OBI1: variants seen among roughly 807,000 people sequenced by gnomAD.
OBI1 encodes ring finger protein 219.
A neutral mutation model predicts 62.4 loss-of-function variants in OBI1; 59 were observed. The ratio of observed to expected loss-of-function variants is 0.95; its 90% confidence interval spans 0.77 to 1.17. The LOEUF is 1.17. Ranked by LOEUF, OBI1 falls within the 50% of genes most tolerant of loss-of-function variation. OBI1 has a pLI of 0.00. For missense variants in OBI1, 875 were observed against 830.9 expected (o/e 1.05, Z -0.65); for synonymous variants, 302 against 292.8 (o/e 1.03, Z -0.32).
At chr13:78,629,728 G>A (rs928106305) in intron 5 of OBI1, among the ~76,000 whole-genome samples, 2 of 152,106 alleles carry the variant, frequency 1.3e-5, no homozygotes, top group Non-Finnish European at 2.9e-5. Context: ...CTTTCTTGAT[G>A]TTTCTTACCA....
intron 2 of OBI1, among the ~76,000 whole-genome samples, chr13:78,642,970 T>C (rs1013280600): frequency 2.6e-5 from 4 of 152,220 alleles, no homozygotes; most frequent in African/African-American, 7.2e-5. Flanking sequence ...CTAGTTACAA[T>C]GGACTGTAAG....
chr13:78,637,249 C>T (rs1478451227), intron 4 of OBI1, among the ~76,000 whole-genome samples: 1 of 152,152 alleles, frequency 6.6e-6, no homozygotes, highest in African/African-American at 2.4e-5. Flanking sequence ...TATTACTCCA[C>T]ACTTTAGTTT....
intron 1 of OBI1, among the ~76,000 whole-genome samples, chr13:78,649,316 T>C (rs560001100): frequency 1.3e-5 from 2 of 152,174 alleles, no homozygotes; most frequent in Non-Finnish European, 2.9e-5. Flanking sequence ...TCCTGTGATG[T>C]AGGAAAGGAG....
intron 5 of OBI1, among the ~76,000 whole-genome samples, chr13:78,630,422 T>G (rs1875810498): frequency 6.6e-6 from 1 of 152,192 alleles, no homozygotes; most frequent in Non-Finnish European, 1.5e-5. Flanking sequence ...TATTCTATAG[T>G]TCATGTTTTA....
At position 78,659,061 on chromosome 13, in the gene OBI1, A is replaced by G. The variant is rs1378394863; in HGVS notation, c.60T>C (p.Ile20=). 6 of 1,612,880 alleles carry G rather than the reference A, an allele frequency of 3.7e-6. No homozygotes were observed. The highest frequency in any genetic ancestry group is 5.1e-6 in the Non-Finnish European group (6 of 1,179,602). The change falls in exon 1 of 6, where the codon ATT becomes ATC. Residue 20 remains isoleucine (I), a synonymous_variant. Transcript: ENST00000282003. The stretch of plus-strand genomic sequence containing the variant: ...AATCACCCATTACCTTCCCCAAGCA[A>G]ATGTGGCACGTGATGGGCAGAGTGA... ...LSLTLPITCH[I]CLGKVRQPVI...
chr13:78,658,468 CT>C (rs1876776648), intron 1 of OBI1, among the ~76,000 whole-genome samples: 1 of 152,204 alleles, frequency 6.6e-6, no homozygotes, highest in African/African-American at 2.4e-5. Flanking sequence ...AGCCACACCT[CT>C]TATTCTAATA....
chr13:78,642,431 T>C (rs1457596911), intron 2 of OBI1, among the ~76,000 whole-genome samples: 1 of 152,140 alleles, frequency 6.6e-6, no homozygotes, highest in African/African-American at 2.4e-5. Context: ...CAGTAACACA[T>C]CATATTGTAT....
chr13:78,652,113 C>A (rs1033142611), intron 1 of OBI1, among the ~76,000 whole-genome samples: 11 of 152,196 alleles, frequency 7.2e-5, no homozygotes, highest in Admixed American at 5.2e-4. Flanking sequence ...ATTATCACCA[C>A]CTTTGTGTTG....
intron 3 of OBI1, among the ~76,000 whole-genome samples, chr13:78,641,500 T>C (rs766608399): frequency 1.3e-5 from 2 of 152,186 alleles, no homozygotes; most frequent in Admixed American, 6.5e-5. Context: ...CTGGGCTTAA[T>C]GTGTACTATT....
intron 1 of OBI1, among the ~76,000 whole-genome samples, chr13:78,650,616 A>C (rs1360278163): frequency 6.6e-6 from 1 of 152,178 alleles, no homozygotes; most frequent in Non-Finnish European, 1.5e-5. Context: ...ACCTTGGGTA[A>C]GCCCTTTAGC....
At chr13:78,623,331 A>C (rs549694729) in intron 5 of OBI1, among the ~76,000 whole-genome samples, 25 of 152,136 alleles carry the variant, frequency 1.6e-4, no homozygotes, top group African/African-American at 5.8e-4. Context: ...TAAGTGTAAC[A>C]AATACATCTT....
At chr13:78,625,350 T>C (rs1875634763) in intron 5 of OBI1, among the ~76,000 whole-genome samples, 1 of 152,210 alleles carries the variant, frequency 6.6e-6, no homozygotes, top group African/African-American at 2.4e-5. Flanking sequence ...CTATACATTT[T>C]CCACCTTAAC....
In OBI1 at chr13:78,615,587, T is replaced by A; in HGVS notation, c.2174A>T (p.Lys725Ile). Residue 725 changes from lysine to isoleucine, a missense_variant, in exon 6 of 6, where the codon AAA becomes ATA. By Grantham distance (102) the Lys-to-Ile change is moderately radical. Transcript: ENST00000282003. ...TGACACCTTTCTAATGAGTCAACTT[T>A]TAGTTGCTTTTGATGGGCTGGCACT... ...LSSASPSKAT[K>I]S The A allele has an allele frequency of 6.3e-7, 1 of 1,593,158 alleles. No individual in the cohort carries two copies. The highest frequency in any genetic ancestry group is 1.8e-5 in the Admixed American group (1 of 55,246).
chr13:78,616,619 T>A lies in OBI1; in HGVS notation c.1142A>T (p.Glu381Val). The A allele has an allele frequency of 6.2e-7, 1 of 1,614,166 alleles. No homozygotes were observed. Among genetic ancestry groups the A allele is most frequent in the South Asian group, 1.1e-5 (1 of 91,078 alleles). Reference protein sequence around the residue: ...KPSDCVPYKDEELYDLPAPCT... With the variant: ...KPSDCVPYKDVELYDLPAPCT... ...AGGAGCTGGAAGATCATAAAGTTCT[T>A]CATCTTTGTAGGGTACACAGTCACT... Residue 381 changes from glutamate to valine, a missense_variant, in exon 6 of 6, where the codon GAA (glutamate) becomes GTA (valine). Coordinates refer to ENST00000282003, the MANE Select transcript of OBI1 (RefSeq NM_024546.4).
rs760250533 is a variant in OBI1, at chr13:78,615,854, G to C, written c.1907C>G (p.Thr636Ser). Residue 636 changes from threonine to serine, a missense_variant, in exon 6 of 6, where the codon ACT (threonine) becomes AGT (serine). By Grantham distance (58) the Thr-to-Ser change is moderately conservative. Transcript: ENST00000282003. ...FSLHSSSCPV[T>S]NEIKPPSCLF... ...GCAGCTTGGGGGTTTGATTTCATTAGTTACTGGACAAGAACTGGAATGGAG... is the reference window on the plus strand; with the variant it reads ...GCAGCTTGGGGGTTTGATTTCATTACTTACTGGACAAGAACTGGAATGGAG... 10 of 1,614,014 alleles carry C rather than the reference G, an allele frequency of 6.2e-6. No individual in the cohort carries two copies. In the South Asian group the frequency reaches 9.9e-5, roughly 16 times the overall value.
chr13:78,617,495 G>C (rs2137425242), intron 5 of OBI1, among the ~76,000 whole-genome samples: 1 of 152,198 alleles, frequency 6.6e-6, no homozygotes, highest in Non-Finnish European at 1.5e-5. Flanking sequence ...TTTGAACAGT[G>C]GTCTACATCT....
At chr13:78,633,528 T>C (rs1875919436) in intron 5 of OBI1, among the ~76,000 whole-genome samples, 1 of 152,172 alleles carries the variant, frequency 6.6e-6, no homozygotes, top group African/African-American at 2.4e-5. Context: ...TGAAGTCCAG[T>C]GGTTGGATGG....
rs761338946 is a variant in OBI1, at chr13:78,617,056, G to A, written c.705C>T (p.Arg235=). ...KVEQYERETN[R]LKKALERSDK... ...CACTTCGTTCCAGGGCTTTCTTGAG[G>A]CGATTGGTTTCACGCTCATACTGTT... Residue 235 remains arginine (R), a synonymous_variant, in exon 6 of 6, where the codon CGC becomes CGT. Transcript: ENST00000282003. The A allele has an allele frequency of 1.9e-6, 3 of 1,612,126 alleles. No homozygotes were observed. The highest frequency in any genetic ancestry group is 2.5e-6 in the Non-Finnish European group (3 of 1,179,248).
chr13:78,658,662 A>C (rs1876784866), intron 1 of OBI1, among the ~76,000 whole-genome samples: 1 of 152,156 alleles, frequency 6.6e-6, no homozygotes, highest in South Asian at 2.1e-4. Flanking sequence ...GCTCCCAGGA[A>C]ATGTGTTTTA....
Sources: allele counts gnomAD v4.1 joint callset (sites outside exome capture counted in the v4.1 genomes callset), GRCh38; gene constraint gnomAD v4.1.1; transcripts MANE v1.5; gene names NCBI Gene and HGNC (gene_info 2026-07-23, HGNC 2026-07-21).